Variants in UTRN observed in about 807,000 individuals in gnomAD.
UTRN encodes utrophin, also known as dystrophin-related protein 1.
A neutral mutation model predicts 463.9 loss-of-function variants in UTRN; 283 were observed. The ratio of observed to expected loss-of-function variants is 0.61; its 90% confidence interval spans 0.55 to 0.67. The LOEUF is 0.67. Among genes scored for constraint, UTRN ranks in the 30% least tolerant of loss-of-function variants. UTRN has a pLI of 0.00. For synonymous variants in UTRN, 1,442 were observed against 1,431.5 expected, an observed-to-expected ratio of 1.01 and a Z score of -0.17; for missense variants, 3,922 against 4,084.3, an observed-to-expected ratio of 0.96 and a Z score of 1.08.
At chr6:144,602,527 A>G (rs1013107696) in intron 51 of UTRN, among the ~76,000 whole-genome samples, 1 of 152,234 alleles carries the variant, frequency 6.6e-6, no homozygotes, top group Non-Finnish European at 1.5e-5. Context: ...TAAGCTATGC[A>G]TACATTTAAG....
intron 2 of UTRN, among the ~76,000 whole-genome samples, chr6:144,380,836 A>G (rs550264922): frequency 6.6e-6 from 1 of 152,292 alleles, no homozygotes; most frequent in South Asian, 2.1e-4. Flanking sequence ...TTAAAGTACA[A>G]CATTTGGCTC....
intron 53 of UTRN, among the ~76,000 whole-genome samples, chr6:144,716,835 A>G (rs1786512301): frequency 6.6e-6 from 1 of 152,226 alleles, no homozygotes. Flanking sequence ...CATTATCACA[A>G]TAACTTTTCA....
intron 52 of UTRN, among the ~76,000 whole-genome samples, chr6:144,698,740 T>G (rs1784269912): frequency 6.6e-6 from 1 of 152,242 alleles, no homozygotes. Context: ...AAGGAACATG[T>G]GCATAGATTT....
chr6:144,469,878 C>T (rs968213101), intron 23 of UTRN, among the ~76,000 whole-genome samples: 20 of 151,820 alleles, frequency 1.3e-4, no homozygotes, highest in Non-Finnish European at 8.8e-5. Flanking sequence ...TCCCTGGGTA[C>T]TTGAGATTAG....
intron 50 of UTRN, among the ~76,000 whole-genome samples, chr6:144,573,041 C>A (rs1004325340): frequency 1.3e-5 from 2 of 152,196 alleles, no homozygotes; most frequent in African/African-American, 4.8e-5. Context: ...TATTTCTCCA[C>A]ATCCTCTCCA....
At chr6:144,598,764 G>A (rs1444177352) in intron 51 of UTRN, among the ~76,000 whole-genome samples, 1 of 152,158 alleles carries the variant, frequency 6.6e-6, no homozygotes, top group African/African-American at 2.4e-5. Flanking sequence ...AGTCAGCTGT[G>A]CCTGAATTCC....
chr6:144,501,001 TG>T (rs1794121316), intron 34 of UTRN, among the ~76,000 whole-genome samples: 1 of 152,194 alleles, frequency 6.6e-6, no homozygotes, highest in African/African-American at 2.4e-5. Context: ...ACGTTTGCTG[TG>T]GGCCTTGAGG....
chr6:144,830,250 TAAAAA>T (rs1780548619), intron 69 of UTRN, among the ~76,000 whole-genome samples: 1 of 152,130 alleles, frequency 6.6e-6, no homozygotes. Flanking sequence ...TAACATTTTT[TAAAAA>T]GAAAAGAAAA....
At chr6:144,642,976 A>T (rs1777916720) in intron 51 of UTRN, among the ~76,000 whole-genome samples, 1 of 152,170 alleles carries the variant, frequency 6.6e-6, no homozygotes, top group Non-Finnish European at 1.5e-5. Context: ...TCAGAATCCC[A>T]AATCCTCTGC....
chr6:144,843,756 G>A (rs1160411607), intron 73 of UTRN, among the ~76,000 whole-genome samples: 1 of 152,090 alleles, frequency 6.6e-6, no homozygotes, highest in African/African-American at 2.4e-5. Context: ...AGTCACATTC[G>A]TCAAAAACTC....
rs575443822 is a variant in UTRN at position 144,491,405 on chromosome 6, T to A, written c.4437+303T>A. ...TGAAGTTAGGAGGGCTTCAGCAGAGTGTGACTAATAAGCAAAGTTTTCAAG... is the reference window on the plus strand; with the variant it reads ...TGAAGTTAGGAGGGCTTCAGCAGAGAGTGACTAATAAGCAAAGTTTTCAAG... On this transcript the variant is annotated intron_variant, in intron 32 of 74. Coordinates refer to ENST00000367545, the MANE Select transcript of UTRN (RefSeq NM_007124.3). 1.3e-4 allele frequency among the ~76,000 whole-genome samples: 20 copies of A among 152,074 alleles called. No homozygotes were observed. The South Asian group carries it at 3.1e-3, about 24-fold the overall frequency.
At chr6:144,551,758 C>G (rs1798939849) in intron 48 of UTRN, among the ~76,000 whole-genome samples, 1 of 152,160 alleles carries the variant, frequency 6.6e-6, no homozygotes, top group Admixed American at 6.6e-5. Context: ...CTGCCACTAC[C>G]CCTTTTCTCA....
At chr6:144,458,020 T>C (rs1789043470) in intron 19 of UTRN, among the ~76,000 whole-genome samples, 1 of 152,234 alleles carries the variant, frequency 6.6e-6, no homozygotes, top group Non-Finnish European at 1.5e-5. Context: ...ATAAAACCTA[T>C]TATTATATAT....
chr6:144,797,890 A>C lies in UTRN; in HGVS notation c.9145A>C (p.Met3049Leu). Reference sequence around the variant, plus strand: ...TTGGATGCATTTGGAACCACAGTCCATGGTTTGGCTCCCAGTTTTACATCG... The same window carrying C: ...TTGGATGCATTTGGAACCACAGTCCCTGGTTTGGCTCCCAGTTTTACATCG... ...IDWMHLEPQS[M>L]VWLPVLHRVA... Residue 3049 changes from methionine (M) to leucine (L), a missense_variant, in exon 64 of 75, where the codon ATG (methionine) becomes CTG (leucine). Met to Leu is a conservative substitution (Grantham distance 15, BLOSUM62 2). Transcript: ENST00000367545. The C allele has an allele frequency of 1.9e-6, 3 of 1,614,198 alleles. No homozygotes were observed. Among genetic ancestry groups the C allele is most frequent in the Non-Finnish European group, 2.5e-6 (3 of 1,180,014 alleles).
chr6:144,302,436 G>T (rs1273792596), intron 2 of UTRN, among the ~76,000 whole-genome samples: 2 of 150,754 alleles, frequency 1.3e-5, no homozygotes, highest in Non-Finnish European at 2.9e-5. Context: ...GCTTGAACTG[G>T]GAGGCAGAGG....
At chr6:144,635,530 C>CTTTTTTTTTTT (rs1562685915) in intron 51 of UTRN, among the ~76,000 whole-genome samples, 2 of 59,096 alleles carry the variant, frequency 3.4e-5, no homozygotes, top group Admixed American at 2.4e-4. Flanking sequence ...TTTTTTTTTT[C>CTTTTTTTTTTT]TTTTCTTTTT....
chr6:144,764,113 C>T (rs940201789), intron 58 of UTRN, among the ~76,000 whole-genome samples: 3 of 152,146 alleles, frequency 2.0e-5, no homozygotes, highest in Admixed American at 2.0e-4. Flanking sequence ...TTAAAACTCA[C>T]TGGGCCAAGT....
At chr6:144,577,465 A>G (rs1801551070) in intron 51 of UTRN, among the ~76,000 whole-genome samples, 177 bp downstream of exon 51, 1 of 152,136 alleles carries the variant, frequency 6.6e-6, no homozygotes, top group South Asian at 2.1e-4. Flanking sequence ...ATTTTTACTT[A>G]ATGTTAGAGG....
At chr6:144,350,257 A>G (rs901371582) in intron 2 of UTRN, among the ~76,000 whole-genome samples, 1 of 118,560 alleles carries the variant, frequency 8.4e-6, no homozygotes, top group Non-Finnish European at 1.6e-5. Context: ...ACTGTTTTCT[A>G]AAAAAAAAAA....
Sources: gnomAD v4.1 joint callset for allele counts (sites outside exome capture counted in the v4.1 genomes callset) on GRCh38, gnomAD v4.1.1 for gene constraint, MANE v1.5 for transcripts, NCBI Gene and HGNC (gene_info 2026-07-23, HGNC 2026-07-21) for gene names.